Variants in DYNC2H1 observed in about 807,000 individuals in gnomAD.
The protein encoded by DYNC2H1 is cytoplasmic dynein 2 heavy chain 1.
DYNC2H1 carries 410 observed loss-of-function variants against 570.0 expected under a neutral mutation model. That is an observed-to-expected ratio of 0.72 (90% CI 0.66 to 0.78). The LOEUF is 0.78. DYNC2H1 is among the 30% of genes least tolerant of loss of function. DYNC2H1 has a pLI of 0.00. For missense variants in DYNC2H1, 4,865 were observed against 5,046.4 expected (o/e 0.96, Z 1.09); for synonymous variants, 1,688 against 1,677.6 (o/e 1.01, Z -0.15).
Position 103,228,490 on chromosome 11 carries a change from GCTCTGGGCTGGTGTTGGGGAGTGT to G in DYNC2H1, c.9354-2767_9354-2744del, listed in dbSNP as rs1437377752. On this transcript the variant is annotated intron_variant, in intron 59 of 88. Transcript: ENST00000375735. The surrounding 1 kb of genome is among the most constrained non-coding windows in gnomAD (Gnocchi z 6.1). ...TCTAGCTACCCAGCAGAGCTACTGG[GCTCTGGGCTGGTGTTGGGGAGTGT>G]CTGCACAGAGTCCTGTGATGTGATC... Among the ~76,000 whole-genome samples, 2 of 152,138 alleles carry G rather than the reference GCTCTGGGCTGGTGTTGGGGAGTGT, an allele frequency of 1.3e-5. No individual in the cohort carries two copies. The highest frequency in any genetic ancestry group is 1.3e-4 in the Admixed American group (2 of 15,276).
intron 65 of DYNC2H1, among the ~76,000 whole-genome samples, chr11:103,246,999 CTT>C (rs369365481): frequency 6.9e-5 from 10 of 143,978 alleles, no homozygotes; most frequent in Admixed American, 1.4e-4. Flanking sequence ...TCTCTCTCTC[CTT>C]TTTTTTTTTT....
At chr11:103,463,510 G>T (rs1793024752) in intron 87 of DYNC2H1, among the ~76,000 whole-genome samples, 1 of 152,170 alleles carries the variant, frequency 6.6e-6, no homozygotes, top group African/African-American at 2.4e-5. Flanking sequence ...AGCACTTTGG[G>T]AGGCTGAGGC....
chr11:103,207,964 G>A (rs1281138847), intron 52 of DYNC2H1, among the ~76,000 whole-genome samples: 1 of 152,134 alleles, frequency 6.6e-6, no homozygotes, highest in African/African-American at 2.4e-5. Flanking sequence ...CAGTGAAGAG[G>A]TGGTCAAATT....
At chr11:103,143,074 T>C (rs1366161089) in intron 17 of DYNC2H1, among the ~76,000 whole-genome samples, 194 bp from the exon 18 acceptor site, 1 of 152,240 alleles carries the variant, frequency 6.6e-6, no homozygotes, top group Non-Finnish European at 1.5e-5. Flanking sequence ...TTATGATCAC[T>C]GCATTTGCAT....
intron 70 of DYNC2H1, among the ~76,000 whole-genome samples, chr11:103,269,239 G>A (rs1865611803): frequency 6.6e-6 from 1 of 152,052 alleles, no homozygotes; most frequent in Admixed American, 6.6e-5. Context: ...TCATATTTCT[G>A]TTTGAGTAAT....
In DYNC2H1 at chr11:103,129,442, G is replaced by A. The variant is rs1252825644; in HGVS notation, c.1953+437G>A. The stretch of plus-strand genomic sequence containing the variant: ...TTACGCCTGTCATCCCAGCACTTTC[G>A]AGGCCGAGGCGGGTGGATCACCTGA... On this transcript the variant is annotated intron_variant, in intron 13 of 88. Coordinates refer to ENST00000375735, the MANE Select transcript of DYNC2H1 (RefSeq NM_001377.3). This position sits in a 1 kb window ranked among gnomAD's most constrained non-coding sequence, Gnocchi z 4.1. Among the ~76,000 whole-genome samples the A allele has an allele frequency of 6.6e-6, 1 of 152,124 alleles. No individual in the cohort carries two copies. Among genetic ancestry groups the A allele is most frequent in the Admixed American group, 6.5e-5 (1 of 15,272 alleles).
intron 84 of DYNC2H1, among the ~76,000 whole-genome samples, chr11:103,412,399 A>T (rs1379008665): frequency 6.6e-6 from 1 of 152,194 alleles, no homozygotes; most frequent in Non-Finnish European, 1.5e-5. Flanking sequence ...TAAAATAGTT[A>T]TCTTCTACAT....
At chr11:103,288,704 A>G (rs1212476303) in intron 75 of DYNC2H1, among the ~76,000 whole-genome samples, 1 of 148,102 alleles carries the variant, frequency 6.8e-6, no homozygotes, top group Non-Finnish European at 1.5e-5. Flanking sequence ...AAAAAAAAAA[A>G]AAAAAAGAAA....
chr11:103,211,784 TC>T lies in DYNC2H1; in HGVS notation c.8540-4del, dbSNP rs1229021642. 1 of 1,187,924 alleles carries T rather than the reference TC, an allele frequency of 8.4e-7. No homozygotes were observed. Among genetic ancestry groups the T allele is most frequent in the Non-Finnish European group, 1.1e-6 (1 of 873,816 alleles). The allele number at this position is 1,187,924 out of a possible 1,614,324, so 73.6% of individuals were successfully genotyped here. A position where few individuals can be genotyped will look rare whatever the true frequency, so the allele number is the denominator to read the frequency against. The stretch of plus-strand genomic sequence containing the variant: ...AAGTTATTTTTATTTTCTATTTTTT[TC>T]TAGTTGATCCTGATTTTCTAAAATC... On this transcript the variant is annotated splice_polypyrimidine_tract_variant and splice_region_variant and intron_variant, in intron 53 of 88. Transcript: ENST00000375735.
chr11:103,265,084 C>G (rs1194089605), intron 70 of DYNC2H1, among the ~76,000 whole-genome samples: 3 of 152,094 alleles, frequency 2.0e-5, no homozygotes, highest in Admixed American at 6.5e-5. Flanking sequence ...AGCTGGAAAC[C>G]ATCATTCTCA....
rs1195661470 is a variant in DYNC2H1, at chr11:103,176,312, T to C, written c.5752T>C (p.Phe1918Leu). Reference sequence around the variant, plus strand: ...GTTTACGTTTACTGATTGCACCCGGTTTGATGCACTGATAAAAGATGTCTT... The same window carrying C: ...GTTTACGTTTACTGATTGCACCCGGCTTGATGCACTGATAAAAGATGTCTT... ...SKFTFTDCTR[F>L]DALIKDVFPG... Residue 1918 changes from phenylalanine (F) to leucine (L), a missense_variant, in exon 37 of 89, where the codon TTT (phenylalanine) becomes CTT (leucine). By Grantham distance (22) the Phe-to-Leu change is conservative. Around this residue, in one of 5 missense-constraint regions of DYNC2H1, gnomAD observed 292 missense variants for 300.2 expected, o/e 0.97. Coordinates refer to ENST00000375735, the MANE Select transcript of DYNC2H1 (RefSeq NM_001377.3). The C allele has an allele frequency of 6.4e-7, 1 of 1,559,632 alleles. No individual in the cohort carries two copies. The highest frequency in any genetic ancestry group is 1.2e-5 in the South Asian group (1 of 83,388).
chr11:103,410,673 T>C (rs967504624), intron 84 of DYNC2H1, among the ~76,000 whole-genome samples: 1 of 152,184 alleles, frequency 6.6e-6, no homozygotes, highest in Non-Finnish European at 1.5e-5. Flanking sequence ...TTCAGGATAT[T>C]AAAGCCACAT....
chr11:103,121,976 G>A (rs765839490), intron 10 of DYNC2H1, among the ~76,000 whole-genome samples: 6 of 152,046 alleles, frequency 3.9e-5, no homozygotes, highest in Admixed American at 1.3e-4. Context: ...TAAAATTTTA[G>A]TAGTTGCAAA....
At chr11:103,223,999 G>A (rs1022101423) in intron 59 of DYNC2H1, among the ~76,000 whole-genome samples, 3 of 151,904 alleles carry the variant, frequency 2.0e-5, no homozygotes, top group African/African-American at 4.8e-5. Context: ...GCCCACCTCC[G>A]CCTCCCAAAG....
At chr11:103,240,562 C>G (rs766763249) in intron 63 of DYNC2H1, among the ~76,000 whole-genome samples, 1 of 152,100 alleles carries the variant, frequency 6.6e-6, no homozygotes, top group African/African-American at 2.4e-5. Flanking sequence ...TACTATGTCT[C>G]TTTACTTTTT....
At chr11:103,311,577 A>C (rs1293489798) in intron 78 of DYNC2H1, among the ~76,000 whole-genome samples, 1 of 147,888 alleles carries the variant, frequency 6.8e-6, no homozygotes, top group Non-Finnish European at 1.5e-5. Flanking sequence ...GTAGTGATTT[A>C]GTGTCAGTGG....
chr11:103,114,366 A>T, intron 3 of DYNC2H1, 128 bp downstream of exon 3: 4 of 1,080,100 alleles, frequency 3.7e-6, no homozygotes, highest in Non-Finnish European at 5.1e-6. Context: ...AGGTTTTAAA[A>T]AATGAGTAGA....
rs1171221904 is a variant in DYNC2H1, at chr11:103,205,684, A to G, written c.8454+720A>G. Reference sequence around the variant, plus strand: ...TATATGTTGAGGACATAGCAGACGAAAAAAAACCAGAGAGAAATCCCTGCC... The same window carrying G: ...TATATGTTGAGGACATAGCAGACGAGAAAAAACCAGAGAGAAATCCCTGCC... On this transcript the variant is annotated intron_variant, in intron 52 of 88. Coordinates refer to ENST00000375735, the MANE Select transcript of DYNC2H1 (RefSeq NM_001377.3). This position sits in a 1 kb window ranked among gnomAD's most constrained non-coding sequence, Gnocchi z 4.5. Among the ~76,000 whole-genome samples the G allele has an allele frequency of 6.6e-6, 1 of 152,092 alleles. No individual in the cohort carries two copies. Among genetic ancestry groups the G allele is most frequent in the South Asian group, 2.1e-4 (1 of 4,828 alleles).
intron 80 of DYNC2H1, among the ~76,000 whole-genome samples, chr11:103,318,025 A>G (rs577230287): frequency 1.7e-3 from 253 of 152,258 alleles, no homozygotes; most frequent in Non-Finnish European, 9.9e-4. Flanking sequence ...TTATTATTTC[A>G]GTTAATAGCA....
Sources: gnomAD v4.1 joint callset for allele counts (sites outside exome capture counted in the v4.1 genomes callset) on GRCh38, gnomAD v4.1.1 for gene constraint, gnomAD v4.1.1 regional missense constraint, Gnocchi (gnomAD v3.1) non-coding constraint, MANE v1.5 for transcripts, NCBI Gene and HGNC (gene_info 2026-07-23, HGNC 2026-07-21) for gene names.